Variants in TLE6 observed in about 807,000 individuals in gnomAD.
TLE6 encodes the protein transducin-like enhancer protein 6.
A neutral mutation model predicts 77.1 loss-of-function variants in TLE6; 72 were observed. The observed-to-expected ratio is 0.93, with a 90% CI of 0.77 to 1.14. TLE6 has a LOEUF of 1.14. Ranked by LOEUF, TLE6 falls within the 50% of genes most tolerant of loss-of-function variation. The pLI is 0.00. For missense variants in TLE6, 843 were observed against 747.6 expected, an observed-to-expected ratio of 1.13 and a Z score of -1.49; for synonymous variants, 366 against 287.3, an observed-to-expected ratio of 1.27 and a Z score of -2.77.
chr19:2,978,334 A>G (rs748625182), intron 2 of TLE6, 50 bp downstream of exon 2: 13 of 1,541,872 alleles, frequency 8.4e-6, no homozygotes, highest in South Asian at 6.0e-5. Flanking sequence ...CCCGGGCCCA[A>G]TGTGGTTCTG....
chr19:2,995,171 G>A lies in TLE6; in HGVS notation c.*167G>A. The A allele has an allele frequency of 1.0e-5, 5 of 492,306 alleles. No homozygotes were observed. Among genetic ancestry groups the A allele is most frequent in the Non-Finnish European group, 3.7e-6 (1 of 271,690 alleles). The allele number at this position is 492,306 out of a possible 1,614,324, so 30.5% of individuals were successfully genotyped here. On this transcript the variant is annotated 3_prime_UTR_variant, in exon 17 of 17. Coordinates refer to ENST00000246112, the MANE Select transcript of TLE6 (RefSeq NM_001143986.2). ...GCCATCACGTGTAATAAAGCACCCG[G>A]GAAAGGCAGAGTGTGGACGCGTCCT...
Position 2,987,789 on chromosome 19 carries a change from C to G in TLE6, c.624C>G (p.Ser208=). Residue 208 remains serine, a splice_region_variant and synonymous_variant, in exon 9 of 17, where the codon TCC becomes TCG. Transcript: ENST00000246112. ...PGTDPCPEDA[S]TPRPPEASSS... is the part of the protein sequence containing the mutation. Reference sequence around the variant, plus strand: ...CAGACCCATGTCCTGAAGATGCCTCCAGTAATCCCAGCGGGCAGGGGCCGA... The same window carrying G: ...CAGACCCATGTCCTGAAGATGCCTCGAGTAATCCCAGCGGGCAGGGGCCGA... 3 of 1,614,160 alleles carry G rather than the reference C, an allele frequency of 1.9e-6. No individual in the cohort carries two copies. The South Asian group carries it at 3.3e-5, about 18-fold the overall frequency.
chr19:2,992,702 G>C (rs929034887), intron 14 of TLE6, among the ~76,000 whole-genome samples: 3 of 149,896 alleles, frequency 2.0e-5, no homozygotes, highest in South Asian at 4.2e-4. Context: ...TTGAGCCCGG[G>C]GAGGCTGAGG....
chr19:2,991,051 T>TATATATAC (rs1555686200), intron 13 of TLE6, among the ~76,000 whole-genome samples: 1 of 149,126 alleles, frequency 6.7e-6, no homozygotes, highest in African/African-American at 2.5e-5. Flanking sequence ...CATATATGTA[T>TATATATAC]ACACACACAC....
At chr19:2,980,224 G>C in intron 3 of TLE6, 42 bp downstream of exon 3, 1 of 1,508,770 alleles carries the variant, frequency 6.6e-7, no homozygotes, top group Non-Finnish European at 9.0e-7. Flanking sequence ...CGCTGGGAAG[G>C]AGCCCCACCT....
At chr19:2,980,028 T>G in intron 2 of TLE6, 72 bp from the exon 3 acceptor site, 1 of 1,214,160 alleles carries the variant, frequency 8.2e-7, no homozygotes, top group African/African-American at 1.5e-5. Flanking sequence ...TATGCCATGT[T>G]GAGGTGGAGA....
chr19:2,987,531 C>A, intron 8 of TLE6, 159 bp downstream of exon 8: 1 of 1,176,212 alleles, frequency 8.5e-7, no homozygotes, highest in Non-Finnish European at 1.2e-6. Flanking sequence ...GGAGGCTATA[C>A]TGGAGTAGCC....
At position 2,989,799 on chromosome 19, in the gene TLE6, G is replaced by T. The variant is rs760318064; in HGVS notation, c.1244+14G>T. The T allele has an allele frequency of 2.3e-5, 37 of 1,607,954 alleles. No homozygotes were observed. The highest frequency in any genetic ancestry group is 2.9e-5 in the Non-Finnish European group (34 of 1,175,686). ...GAGTGTGGTCAGGTGCGTTTGGGGG[G>T]TGGGAAGGGGAAGCATCCTGTGCCA... On this transcript the variant is annotated intron_variant, in intron 13 of 16. Transcript: ENST00000246112.
intron 14 of TLE6, among the ~76,000 whole-genome samples, chr19:2,992,676 G>A (rs1365755516): frequency 6.6e-6 from 1 of 151,366 alleles, no homozygotes; most frequent in Non-Finnish European, 1.5e-5. Flanking sequence ...TTGGGAGGCT[G>A]AGGTGAGAGA....
intron 15 of TLE6, 26 bp downstream of exon 15, chr19:2,993,608 G>A: frequency 6.5e-7 from 1 of 1,535,834 alleles, no homozygotes; most frequent in Non-Finnish European, 8.8e-7. Context: ...AAGATGAGGG[G>A]ACTCCCCTGC....
At chr19:2,992,902 T>A (rs1387364670) in intron 14 of TLE6, among the ~76,000 whole-genome samples, 7 of 149,332 alleles carry the variant, frequency 4.7e-5, no homozygotes, top group African/African-American at 1.7e-4. Flanking sequence ...GAAATATTCT[T>A]TGCAGGCCGG....
chr19:2,993,564 G>A lies in TLE6; in HGVS notation c.1519G>A (p.Val507Ile), dbSNP rs139657057. 109 of 1,573,292 alleles carry A rather than the reference G, an allele frequency of 6.9e-5. No homozygotes were observed. Among genetic ancestry groups the A allele is most frequent in the Middle Eastern group, 1.7e-4 (1 of 5,864 alleles). Residue 507 changes from valine to isoleucine, a missense_variant, in exon 15 of 17, where the codon GTC (valine) becomes ATC (isoleucine). By Grantham distance (29) the Val-to-Ile change is conservative. Transcript: ENST00000246112. The part of the protein sequence containing the change: ...VGQKDSVILS[V>I]KFSPFGQWWA... ...GCAAAAAGACAGCGTCATCCTGAGC[G>A]TCAAGTTCTCCCCCTTTGGTAAGCG...
chr19:2,982,579 CAGAGGACG>C (rs1399359244), intron 5 of TLE6, among the ~76,000 whole-genome samples: 3 of 145,832 alleles, frequency 2.1e-5, no homozygotes, highest in Non-Finnish European at 4.5e-5. Flanking sequence ...ATGGTGAAGA[CAGAGGACG>C]AGGGGTAGGT....
chr19:2,993,515 C>T lies in TLE6; in HGVS notation c.1470C>T (p.Ser490=), dbSNP rs10406955. The change falls in exon 15 of 17, where the codon AGC becomes AGT. Residue 490 remains serine, a synonymous_variant. Coordinates refer to ENST00000246112, the MANE Select transcript of TLE6 (RefSeq NM_001143986.2). ...GCCAGCAGTGGCTGCAAAGCACCAG[C>T]GGGAGCCAGCGGCACATGGTGGGGC... ...ANGQQWLQST[S]GSQRHMVGQK... is the part of the protein sequence containing the mutation. 8,049 of 1,593,360 alleles carry T rather than the reference C, an allele frequency of 5.1e-3. 264 individuals are homozygous for T. The African/African-American group carries it at 0.087, about 17-fold the overall frequency.
At chr19:2,981,346 T>C (rs1230112532) in intron 3 of TLE6, among the ~76,000 whole-genome samples, 192 bp from the exon 4 acceptor site, 1 of 108,950 alleles carries the variant, frequency 9.2e-6, no homozygotes, top group Non-Finnish European at 1.8e-5. Context: ...AGACTCTGTC[T>C]CAAAAAAAAA....
At chr19:2,981,413 T>C in intron 3 of TLE6, 125 bp from the exon 4 acceptor site, 2 of 918,634 alleles carry the variant, frequency 2.2e-6, no homozygotes, top group Non-Finnish European at 3.4e-6. Context: ...TGCCTTAAAT[T>C]TGGCTTCTGG....
intron 10 of TLE6, 40 bp from the exon 11 acceptor site, chr19:2,988,051 C>A: frequency 6.4e-7 from 1 of 1,558,330 alleles, no homozygotes; most frequent in Non-Finnish European, 8.7e-7. Flanking sequence ...CACAGATGTG[C>A]GGGGAGGCTG....
intron 4 of TLE6, 41 bp downstream of exon 4, chr19:2,981,624 C>A (rs1474542814): frequency 5.2e-6 from 8 of 1,545,926 alleles, no homozygotes; most frequent in African/African-American, 1.4e-5. Flanking sequence ...GAGGGCCCCA[C>A]TGGGACAAGC....
intron 13 of TLE6, among the ~76,000 whole-genome samples, chr19:2,990,966 G>C (rs2089038009): frequency 6.6e-6 from 1 of 151,280 alleles, no homozygotes; most frequent in Non-Finnish European, 1.5e-5. Flanking sequence ...CTGCACTCCA[G>C]CCTGGGTCAC....
Sources: allele counts gnomAD v4.1 joint callset (sites outside exome capture counted in the v4.1 genomes callset), GRCh38; gene constraint gnomAD v4.1.1; transcripts MANE v1.5; gene names NCBI Gene and HGNC (gene_info 2026-07-23, HGNC 2026-07-21).